The following MBD5 variants were observed in gnomAD, a reference collection of about 807,000 sequenced individuals.
MBD5 encodes methyl-CpG-binding domain protein 5.
MBD5 carries 13 observed loss-of-function variants against 117.3 expected under a neutral mutation model. That is an observed-to-expected ratio of 0.11 (90% CI 0.07 to 0.18). The LOEUF is 0.18. Ranked by LOEUF, MBD5 falls within the 10% of genes least tolerant of loss-of-function variation. MBD5 has a pLI of 1.00. For synonymous variants in MBD5, 727 were observed against 766.4 expected (o/e 0.95, Z 0.85); for missense variants, 1,879 against 2,093.8 (o/e 0.90, Z 2.00).
chr2:148,339,675 C>T (rs1702887121), intron 3 of MBD5, among the ~76,000 whole-genome samples: 1 of 152,054 alleles, frequency 6.6e-6, no homozygotes, highest in Non-Finnish European at 1.5e-5. Context: ...ATCCTAGTAC[C>T]TGCCAACACC....
At position 148,516,467 on chromosome 2, in the gene MBD5, T is replaced by G. The variant is rs187403597; in HGVS notation, c.*3526T>G. 1 of 152,338 alleles carries G rather than the reference T, an allele frequency of 6.6e-6. No homozygotes were observed. The highest frequency in any genetic ancestry group is 1.5e-5 in the Non-Finnish European group (1 of 68,024). The allele number at this position is 152,338 out of a possible 1,614,324, so 9.4% of individuals were successfully genotyped here. A position where few individuals can be genotyped will look rare whatever the true frequency, so the allele number is the denominator to read the frequency against. Reference sequence around the variant, plus strand: ...ATCAAATGAGTTGTGCATTGATTCATTTGGGGGACATGAACAAAAATTATC... The same window carrying G: ...ATCAAATGAGTTGTGCATTGATTCAGTTGGGGGACATGAACAAAAATTATC... On this transcript the variant is annotated 3_prime_UTR_variant, in exon 14 of 14. Transcript: ENST00000642680.
At chr2:148,278,816 A>G (rs1220298265) in intron 3 of MBD5, among the ~76,000 whole-genome samples, 1 of 152,182 alleles carries the variant, frequency 6.6e-6, no homozygotes. Context: ...CCTCAGAACC[A>G]AAGAAGCTGA....
At chr2:148,135,553 T>C (rs977676978) in intron 1 of MBD5, among the ~76,000 whole-genome samples, 2 of 152,202 alleles carry the variant, frequency 1.3e-5, no homozygotes, top group African/African-American at 4.8e-5. Flanking sequence ...CCAGCAACTT[T>C]ATTCTAGGAG....
chr2:148,169,095 T>G (rs1470635214), intron 1 of MBD5, among the ~76,000 whole-genome samples: 1 of 151,904 alleles, frequency 6.6e-6, no homozygotes, highest in Non-Finnish European at 1.5e-5. Context: ...AAATTACCCC[T>G]AAAGTTAAAA....
intron 4 of MBD5, among the ~76,000 whole-genome samples, chr2:148,401,117 A>T (rs1456250746): frequency 6.6e-6 from 1 of 152,174 alleles, no homozygotes; most frequent in Non-Finnish European, 1.5e-5. Flanking sequence ...AATCAAATTA[A>T]CTATGTCTAG....
intron 1 of MBD5, among the ~76,000 whole-genome samples, chr2:148,164,257 G>A (rs948048763): frequency 6.6e-6 from 1 of 152,118 alleles, no homozygotes; most frequent in Non-Finnish European, 1.5e-5. Context: ...TATTAACAGG[G>A]GAGAGGTTTG....
intron 4 of MBD5, among the ~76,000 whole-genome samples, chr2:148,375,008 G>T (rs1326761580): frequency 6.6e-6 from 1 of 151,930 alleles, no homozygotes; most frequent in Non-Finnish European, 1.5e-5. Context: ...TTAATACCTG[G>T]TGTGTATAAA....
At chr2:148,282,450 T>G (rs189511508) in intron 3 of MBD5, among the ~76,000 whole-genome samples, 50 of 152,234 alleles carry the variant, frequency 3.3e-4, no homozygotes, top group African/African-American at 1.1e-3. Flanking sequence ...AAACCTTTGT[T>G]TCCTCATCTG....
At chr2:148,311,220 T>C (rs1448679961) in intron 3 of MBD5, among the ~76,000 whole-genome samples, 7 of 152,192 alleles carry the variant, frequency 4.6e-5, no homozygotes. Flanking sequence ...TCTGTCTAGC[T>C]GATCTGTCTA....
chr2:148,142,457 A>G (rs2105548450), intron 1 of MBD5, among the ~76,000 whole-genome samples: 1 of 152,324 alleles, frequency 6.6e-6, no homozygotes, highest in African/African-American at 2.4e-5. Context: ...TAAGGGAAAC[A>G]AATTTTATTA....
At chr2:148,371,033 C>A (rs1703837804) in intron 4 of MBD5, among the ~76,000 whole-genome samples, 1 of 151,970 alleles carries the variant, frequency 6.6e-6, no homozygotes, top group African/African-American at 2.4e-5. Context: ...ACATTATAAG[C>A]GTTAAGAAAG....
chr2:148,152,625 G>A (rs1276459233), intron 1 of MBD5, among the ~76,000 whole-genome samples: 1 of 152,204 alleles, frequency 6.6e-6, no homozygotes, highest in Non-Finnish European at 1.5e-5. Context: ...GGATGCTCCT[G>A]TATTCGTTGC....
In MBD5 at chr2:148,085,186, TG is replaced by T. The variant is rs1219200176; in HGVS notation, c.-925+63504del. On this transcript the variant is annotated intron_variant, in intron 1 of 13. Coordinates refer to ENST00000642680, the MANE Select transcript of MBD5 (RefSeq NM_001378120.1). ...TGCTTGAGTGAGAGGAAACAAGGAA[TG>T]GTGGGTTTTGTTGGCAGTCCGTATA... Among the ~76,000 whole-genome samples, 2 of 152,172 alleles carry T rather than the reference TG, an allele frequency of 1.3e-5. 1 individual carries two copies. Among genetic ancestry groups the T allele is most frequent in the Non-Finnish European group, 2.9e-5 (2 of 68,012 alleles).
At chr2:148,407,396 G>T (rs1017183875) in intron 4 of MBD5, among the ~76,000 whole-genome samples, 4 of 151,668 alleles carry the variant, frequency 2.6e-5, no homozygotes, top group African/African-American at 9.7e-5. Flanking sequence ...CTGTGTGTCT[G>T]TATGTATTTA....
chr2:148,090,956 A>G (rs1431876317), intron 1 of MBD5, among the ~76,000 whole-genome samples: 1 of 152,164 alleles, frequency 6.6e-6, no homozygotes, highest in African/African-American at 2.4e-5. Context: ...AAAAGATATG[A>G]TAAATGAATT....
At chr2:148,374,276 C>CAT (rs61113205) in intron 4 of MBD5, among the ~76,000 whole-genome samples, 1 of 150,710 alleles carries the variant, frequency 6.6e-6, no homozygotes, top group East Asian at 1.9e-4. Flanking sequence ...CACACACACA[C>CAT]GAACATGCAT....
At chr2:148,285,985 T>C (rs1291417724) in intron 3 of MBD5, among the ~76,000 whole-genome samples, 2 of 152,182 alleles carry the variant, frequency 1.3e-5, no homozygotes, top group Non-Finnish European at 2.9e-5. Context: ...TTAGTAAAAA[T>C]TTTAATAAGT....
At chr2:148,239,368 A>G (rs1700160895) in intron 3 of MBD5, among the ~76,000 whole-genome samples, 1 of 152,172 alleles carries the variant, frequency 6.6e-6, no homozygotes, top group Non-Finnish European at 1.5e-5. Flanking sequence ...AGTTCAAACA[A>G]TAGGTTTACA....
At chr2:148,195,943 G>A (rs150523734) in intron 2 of MBD5, among the ~76,000 whole-genome samples, 560 of 152,230 alleles carry the variant, frequency 3.7e-3, no homozygotes, top group East Asian at 8.1e-3. Context: ...ACTAACCAAA[G>A]TAACAAGGCA....
Sources: allele counts gnomAD v4.1 joint callset (sites outside exome capture counted in the v4.1 genomes callset), GRCh38; gene constraint gnomAD v4.1.1; transcripts MANE v1.5; gene names NCBI Gene and HGNC (gene_info 2026-07-23, HGNC 2026-07-21).